TMEM117: variants seen among roughly 807,000 people sequenced by gnomAD.
The protein encoded by TMEM117 is transmembrane protein 117.
In TMEM117, 27 loss-of-function variants were observed where a neutral mutation model predicts 52.4. The observed-to-expected ratio is 0.51, with a 90% CI of 0.38 to 0.71. TMEM117 has a LOEUF of 0.71. TMEM117 is among the 30% of genes least tolerant of loss of function. The pLI is 0.00. For missense variants in TMEM117, 556 were observed against 630.5 expected (o/e 0.88, Z 1.26); for synonymous variants, 215 against 206.3 (o/e 1.04, Z -0.36).
chr12:43,973,544 G>A (rs541929616), intron 3 of TMEM117, among the ~76,000 whole-genome samples: 158 of 152,254 alleles, frequency 1.0e-3, no homozygotes, highest in African/African-American at 3.6e-3. Context: ...GTCTTAATTA[G>A]GTTATGACTT....
intron 4 of TMEM117, among the ~76,000 whole-genome samples, chr12:44,197,621 G>A (rs1346466284): frequency 1.3e-5 from 2 of 152,044 alleles, no homozygotes; most frequent in African/African-American, 4.8e-5. Context: ...AAAGCAAATC[G>A]TACTGGGGCA....
At chr12:44,127,543 G>T (rs1948345922) in intron 3 of TMEM117, among the ~76,000 whole-genome samples, 1 of 152,168 alleles carries the variant, frequency 6.6e-6, no homozygotes, top group East Asian at 1.9e-4. Context: ...GGGTTTGTTG[G>T]TGCATGCCTA....
intron 2 of TMEM117, among the ~76,000 whole-genome samples, chr12:43,852,370 T>G (rs1943324986): frequency 6.6e-6 from 1 of 151,608 alleles, no homozygotes; most frequent in Non-Finnish European, 1.5e-5. Context: ...GGCAGAGCTT[T>G]CAGTGAGCCG....
chr12:44,335,146 A>G (rs1289232093), intron 6 of TMEM117, among the ~76,000 whole-genome samples: 2 of 152,064 alleles, frequency 1.3e-5, no homozygotes, highest in African/African-American at 4.8e-5. Context: ...AGAGCAACAG[A>G]GTCCATGATG....
chr12:43,966,125 A>T (rs1945481571), intron 3 of TMEM117, among the ~76,000 whole-genome samples: 1 of 152,082 alleles, frequency 6.6e-6, no homozygotes, highest in Non-Finnish European at 1.5e-5. Flanking sequence ...GTATATGTGT[A>T]CCACATTTTC....
At chr12:43,868,577 C>CA (rs796136803) in intron 2 of TMEM117, among the ~76,000 whole-genome samples, 8,993 of 121,974 alleles carry the variant, frequency 0.074, 334 homozygotes, top group Middle Eastern at 0.21. Context: ...CCCCACCCTC[C>CA]AAAAAAAAAA....
At chr12:43,887,704 G>A (rs1316770814) in intron 2 of TMEM117, among the ~76,000 whole-genome samples, 1 of 152,172 alleles carries the variant, frequency 6.6e-6, no homozygotes, top group Admixed American at 6.5e-5. Context: ...CACTTATGAC[G>A]GCAGAAAGTT....
intron 6 of TMEM117, among the ~76,000 whole-genome samples, chr12:44,354,948 C>T (rs1311396677): frequency 6.6e-6 from 1 of 151,908 alleles, no homozygotes; most frequent in Non-Finnish European, 1.5e-5. Context: ...TATGCAGAAC[C>T]ATAATCACTG....
intron 2 of TMEM117, among the ~76,000 whole-genome samples, chr12:43,907,197 T>C (rs370509654): frequency 3.9e-5 from 6 of 152,258 alleles, no homozygotes; most frequent in East Asian, 1.9e-4. Flanking sequence ...CCCTGACCCC[T>C]GAGCAGCCTA....
chr12:43,805,995 G>A, the TMEM117 span: 3 of 1,532,384 alleles, frequency 2.0e-6, no homozygotes, highest in Non-Finnish European at 1.8e-6. Context: ...CCCGAATTTC[G>A]GATCAATCTG....
chr12:44,387,331 A>G (rs986537146), intron 7 of TMEM117, among the ~76,000 whole-genome samples: 3 of 151,864 alleles, frequency 2.0e-5, no homozygotes, highest in African/African-American at 2.4e-5. Flanking sequence ...TTGTATTTAT[A>G]TAAGATTTTA....
chr12:43,964,904 G>T (rs1157847110), intron 3 of TMEM117, among the ~76,000 whole-genome samples: 2 of 152,198 alleles, frequency 1.3e-5, no homozygotes, highest in African/African-American at 4.8e-5. Context: ...AAAGGAACAG[G>T]TCAACAGAAC....
chr12:43,956,607 A>G (rs1263862314), intron 3 of TMEM117, among the ~76,000 whole-genome samples: 1 of 152,116 alleles, frequency 6.6e-6, no homozygotes, highest in Non-Finnish European at 1.5e-5. Context: ...ACAATGAGAT[A>G]CCATCTCATG....
chr12:44,317,284 T>TTTTATA (rs1565708337), intron 6 of TMEM117, among the ~76,000 whole-genome samples: 3 of 146,956 alleles, frequency 2.0e-5, no homozygotes, highest in African/African-American at 7.6e-5. Flanking sequence ...TCTTTCCCTA[T>TTTTATA]TATATATATA....
At chr12:44,082,880 T>C (rs1947504548) in intron 3 of TMEM117, among the ~76,000 whole-genome samples, 1 of 152,110 alleles carries the variant, frequency 6.6e-6, no homozygotes, top group African/African-American at 2.4e-5. Flanking sequence ...GTCATATGTA[T>C]ATATGTATAT....
the TMEM117 span, among the ~76,000 whole-genome samples, chr12:43,829,602 A>G: frequency 4.1e-3 from 628 of 152,350 alleles, 6 homozygotes; most frequent in African/African-American, 0.014. Flanking sequence ...GTTTTGAAGA[A>G]AGAAAAAGAT....
chr12:43,838,953 A>G (rs1262011809), intron 1 of TMEM117, among the ~76,000 whole-genome samples: 6 of 152,150 alleles, frequency 3.9e-5, no homozygotes, highest in Admixed American at 2.6e-4. Flanking sequence ...TTTGCTGTCT[A>G]TATCTACTGC....
chr12:43,808,314 C>T, the TMEM117 span, among the ~76,000 whole-genome samples: 2 of 152,186 alleles, frequency 1.3e-5, no homozygotes, highest in African/African-American at 4.8e-5. Context: ...GCAGAGATTA[C>T]ATAGCTCTTC....
chr12:44,199,303 C>T (rs1949461439), intron 4 of TMEM117, among the ~76,000 whole-genome samples: 1 of 152,124 alleles, frequency 6.6e-6, no homozygotes, highest in Non-Finnish European at 1.5e-5. Context: ...AGTATCTTTC[C>T]ATCCTGTCAC....
Sources: gnomAD v4.1 joint callset for allele counts (sites outside exome capture counted in the v4.1 genomes callset) on GRCh38, gnomAD v4.1.1 for gene constraint, MANE v1.5 for transcripts, NCBI Gene and HGNC (gene_info 2026-07-23, HGNC 2026-07-21) for gene names.